Variants in CAMKMT observed in about 807,000 individuals in gnomAD.
CAMKMT encodes the protein calmodulin-lysine N-methyltransferase.
In CAMKMT, 53 loss-of-function variants were observed where a neutral mutation model predicts 48.0. That is an observed-to-expected ratio of 1.10 (90% CI 0.89 to 1.39). The LOEUF (loss-of-function observed/expected upper bound fraction) is 1.39. CAMKMT is among the 40% of genes most tolerant of loss of function. CAMKMT has a pLI of 0.00. For missense variants in CAMKMT, 428 were observed against 402.7 expected, an observed-to-expected ratio of 1.06 and a Z score of -0.54; for synonymous variants, 165 against 152.3, an observed-to-expected ratio of 1.08 and a Z score of -0.61.
intron 3 of CAMKMT, among the ~76,000 whole-genome samples, chr2:44,543,597 G>A (rs1261143702): frequency 6.6e-6 from 1 of 152,056 alleles, no homozygotes; most frequent in African/African-American, 2.4e-5. Flanking sequence ...TATGTGCCGG[G>A]TAGAGTTTTG....
intron 1 of CAMKMT, 56 bp downstream of exon 1, chr2:44,362,201 C>T: frequency 7.3e-7 from 1 of 1,361,540 alleles, no homozygotes; most frequent in South Asian, 1.5e-5. Flanking sequence ...CTCTCACGTA[C>T]CGGGGGAGCG....
At position 44,378,575 on chromosome 2, in the gene CAMKMT, C is replaced by T. The variant is rs866354891; in HGVS notation, c.311+5687C>T. On this transcript the variant is annotated intron_variant, in intron 2 of 10. Coordinates refer to ENST00000378494, the MANE Select transcript of CAMKMT (RefSeq NM_024766.5). ...GTGGTGCAATCTTGGCTCACTGCAA[C>T]CTCCGCCTCCCGGGTTCAAGCGATT... Among the ~76,000 whole-genome samples the T allele has an allele frequency of 2.6e-5, 4 of 152,140 alleles. No homozygotes were observed. In the South Asian group the frequency reaches 6.2e-4, roughly 24 times the overall value.
intron 3 of CAMKMT, among the ~76,000 whole-genome samples, chr2:44,599,210 G>C (rs1670840706): frequency 6.6e-6 from 1 of 152,060 alleles, no homozygotes; most frequent in Admixed American, 6.5e-5. Context: ...AGAAATTTCT[G>C]TTTTCCATTT....
intron 2 of CAMKMT, among the ~76,000 whole-genome samples, chr2:44,385,541 T>C (rs1415628575): frequency 6.6e-6 from 1 of 151,614 alleles, no homozygotes; most frequent in Admixed American, 6.5e-5. Context: ...TGGGCATCCT[T>C]GTCTTGTTCC....
intron 3 of CAMKMT, among the ~76,000 whole-genome samples, chr2:44,532,916 G>A (rs980206509): frequency 2.6e-5 from 4 of 151,324 alleles, no homozygotes; most frequent in African/African-American, 4.9e-5. Context: ...AGGTTCAAGC[G>A]ATTCTCCTGC....
chr2:44,702,921 A>G (rs560468421), intron 3 of CAMKMT, among the ~76,000 whole-genome samples: 1 of 152,274 alleles, frequency 6.6e-6, no homozygotes, highest in South Asian at 2.1e-4. Flanking sequence ...TTAGTCCTCA[A>G]AGTTGGAGGT....
At chr2:44,597,423 A>G (rs1435840512) in intron 3 of CAMKMT, among the ~76,000 whole-genome samples, 1 of 152,220 alleles carries the variant, frequency 6.6e-6, no homozygotes, top group Admixed American at 6.5e-5. Context: ...CCAGTGATAT[A>G]CCAACTTACA....
intron 3 of CAMKMT, among the ~76,000 whole-genome samples, chr2:44,629,536 T>G (rs1190465159): frequency 6.7e-6 from 1 of 149,948 alleles, no homozygotes; most frequent in East Asian, 2.0e-4. Flanking sequence ...CCACAATGGC[T>G]CAAGCAATCC....
At chr2:44,702,167 C>T (rs1677295593) in intron 3 of CAMKMT, among the ~76,000 whole-genome samples, 1 of 152,006 alleles carries the variant, frequency 6.6e-6, no homozygotes, top group African/African-American at 2.4e-5. Flanking sequence ...TAAAGAAATT[C>T]ATTATAGTGG....
chr2:44,740,486 G>A (rs1377090628), intron 7 of CAMKMT, among the ~76,000 whole-genome samples: 1 of 152,176 alleles, frequency 6.6e-6, no homozygotes, highest in Non-Finnish European at 1.5e-5. Flanking sequence ...TGAAAGTGAG[G>A]AGGAGGGGAA....
chr2:44,540,502 G>A (rs1387676204), intron 3 of CAMKMT, among the ~76,000 whole-genome samples: 1 of 152,166 alleles, frequency 6.6e-6, no homozygotes, highest in African/African-American at 2.4e-5. Flanking sequence ...TGTAATCCCA[G>A]CACTTTGGGA....
intron 3 of CAMKMT, among the ~76,000 whole-genome samples, chr2:44,611,103 G>C (rs767738572): frequency 3.9e-5 from 6 of 152,068 alleles, no homozygotes; most frequent in Non-Finnish European, 8.8e-5. Context: ...GTTCCTGAAG[G>C]CATATTCTAT....
intron 3 of CAMKMT, chr2:44,394,867 T>C: frequency 2.2e-6 from 1 of 454,134 alleles, no homozygotes; most frequent in South Asian, 1.6e-5. Context: ...GCAAGACTCA[T>C]TAAAATAAAA....
intron 3 of CAMKMT, among the ~76,000 whole-genome samples, chr2:44,402,921 A>T: frequency 7.3e-6 from 1 of 137,384 alleles, no homozygotes; most frequent in Non-Finnish European, 1.6e-5. Context: ...ATATTACTGA[A>T]AGTTTTTTTT....
chr2:44,691,167 C>T (rs1182255482), intron 3 of CAMKMT, among the ~76,000 whole-genome samples: 2 of 152,098 alleles, frequency 1.3e-5, no homozygotes, highest in African/African-American at 2.4e-5. Context: ...AGGTGCCTTC[C>T]AAGTTCATGT....
Position 44,600,425 on chromosome 2 carries a change from C to A in CAMKMT, c.377-103858C>A, listed in dbSNP as rs972042173. Among the ~76,000 whole-genome samples the A allele has an allele frequency of 2.2e-4, 33 of 151,918 alleles. 1 individual carries two copies. The highest frequency in any genetic ancestry group is 7.8e-4 in the African/African-American group (32 of 41,286). The stretch of plus-strand genomic sequence containing the variant: ...GGGACTACAGGTGCACACCAGCACA[C>A]CCAGCTAATTTTTGTATTTTTGGTA... On this transcript the variant is annotated intron_variant, in intron 3 of 10. Coordinates refer to ENST00000378494, the MANE Select transcript of CAMKMT (RefSeq NM_024766.5).
At chr2:44,628,146 C>G (rs1672601995) in intron 3 of CAMKMT, among the ~76,000 whole-genome samples, 2 of 152,152 alleles carry the variant, frequency 1.3e-5, no homozygotes, top group African/African-American at 4.8e-5. Flanking sequence ...TGGCATCTCA[C>G]TATGTCACCC....
chr2:44,593,986 C>T (rs1029486457), intron 3 of CAMKMT, among the ~76,000 whole-genome samples: 4 of 152,044 alleles, frequency 2.6e-5, no homozygotes, highest in Admixed American at 6.5e-5. Context: ...TGGTCTCGAA[C>T]TCCCCACCTC....
chr2:44,369,745 A>G (rs1198500473), intron 1 of CAMKMT: 1 of 152,238 alleles, frequency 6.6e-6, no homozygotes, highest in Non-Finnish European at 1.5e-5. Flanking sequence ...AAGTGATGCC[A>G]CTTGTGCTCC....
Sources: gnomAD v4.1 joint callset for allele counts (sites outside exome capture counted in the v4.1 genomes callset) on GRCh38, gnomAD v4.1.1 for gene constraint, MANE v1.5 for transcripts, NCBI Gene and HGNC (gene_info 2026-07-23, HGNC 2026-07-21) for gene names.